The following HMSD variants were observed in gnomAD, a reference collection of about 807,000 sequenced individuals.
HMSD encodes the protein histocompatibility minor serpin domain containing.
Under a neutral mutation model 10.0 loss-of-function variants are expected in HMSD, and 13 were observed. The observed-to-expected ratio is 1.31, with a 90% CI of 0.85 to 2.08. HMSD has a LOEUF of 2.08. Ranked by LOEUF, HMSD falls within the 30% of genes most tolerant of loss-of-function variation. HMSD has a pLI of 0.00. For synonymous variants in HMSD, 51 were observed against 54.2 expected, an observed-to-expected ratio of 0.94 and a Z score of 0.26; for missense variants, 169 against 166.3, an observed-to-expected ratio of 1.02 and a Z score of -0.09.
In HMSD at chr18:63,960,542, C is replaced by A; in HGVS notation, c.*187C>A. 1.2e-6 allele frequency: 1 copy of A among 829,502 alleles called. No individual in the cohort carries two copies. Among genetic ancestry groups the A allele is most frequent in the Non-Finnish European group, 1.7e-6 (1 of 592,916 alleles). 51.4% of individuals were successfully genotyped at this position (829,502 alleles called of 1,614,324 possible). ...TAATATTAGGTAGTTTTTCTTTTCA[C>A]AAATAGCGTTAAAATTTGAATTTAA... On this transcript the variant is annotated 3_prime_UTR_variant, in exon 4 of 4. Coordinates refer to ENST00000408945, the MANE Select transcript of HMSD (RefSeq NM_001123366.2).
rs895534726 is a variant in HMSD at position 63,960,221 on chromosome 18, G to A, written c.286G>A (p.Asp96Asn). The change falls in exon 4 of 4, where the codon GAT (aspartate) becomes AAT (asparagine). Residue 96 changes from aspartate to asparagine, a missense_variant. Transcript: ENST00000408945. ...ATIKQLDFVN[D>N]TEKSTTRVNS... ...GATAAAACAGCTAGACTTTGTGAAT[G>A]ATACAGAGAAGTCCACAACACGTGT... 2 of 1,613,206 alleles carry A rather than the reference G, an allele frequency of 1.2e-6. No individual in the cohort carries two copies. The highest frequency in any genetic ancestry group is 2.7e-5 in the African/African-American group (2 of 74,900).
At position 63,960,415 on chromosome 18, in the gene HMSD, T is replaced by C; in HGVS notation, c.*60T>C. 1 of 1,513,160 alleles carries C rather than the reference T, an allele frequency of 6.6e-7. No homozygotes were observed. Among genetic ancestry groups the C allele is most frequent in the South Asian group, 1.3e-5 (1 of 78,092 alleles). The allele number at this position is 1,513,160 out of a possible 1,614,324, so 93.7% of individuals were successfully genotyped here. A position where few individuals can be genotyped will look rare whatever the true frequency, so the allele number is the denominator to read the frequency against. On this transcript the variant is annotated 3_prime_UTR_variant, in exon 4 of 4. Transcript: ENST00000408945. ...ACATTAAAACCTTTCTTTGGAAATA[T>C]TGCCAACTCGTAGACCTTTTCTCTA...
At chr18:63,963,046 T>TTTTC (rs148830154), downstream of HMSD, among the ~76,000 whole-genome samples, 71 of 125,508 alleles carry the variant, frequency 5.7e-4, 5 homozygotes, top group African/African-American at 2.3e-3. Flanking sequence ...TCAGATGTAG[T>TTTTC]TTTCTTTCTT....
chr18:63,963,099 T>TTTCTTTCTCTTTC (rs1568261316), downstream of HMSD, among the ~76,000 whole-genome samples: 11 of 132,492 alleles, frequency 8.3e-5, no homozygotes, highest in African/African-American at 3.4e-4. Flanking sequence ...CTTTCTTTCT[T>TTTCTTTCTCTTTC]TCTTTCTTTC....
At position 63,960,517 on chromosome 18, in the gene HMSD, T is replaced by C; in HGVS notation, c.*162T>C. 1 of 1,076,476 alleles carries C rather than the reference T, an allele frequency of 9.3e-7. No homozygotes were observed. Among genetic ancestry groups the C allele is most frequent in the Non-Finnish European group, 1.2e-6 (1 of 801,732 alleles). 66.7% of individuals were successfully genotyped at this position (1,076,476 alleles called of 1,614,324 possible). On this transcript the variant is annotated 3_prime_UTR_variant, in exon 4 of 4. Transcript: ENST00000408945. ...ATCTCTTCCAGGTTTTTTTGCTTGTTAATATTAGGTAGTTTTTCTTTTCAC... is the reference window on the plus strand; with the variant it reads ...ATCTCTTCCAGGTTTTTTTGCTTGTCAATATTAGGTAGTTTTTCTTTTCAC...
downstream of HMSD, among the ~76,000 whole-genome samples, chr18:63,963,785 A>G (rs558460569): frequency 1.3e-5 from 2 of 152,336 alleles, no homozygotes; most frequent in Non-Finnish European, 2.9e-5. Context: ...TCCTGTAACA[A>G]GAACTTGACT....
At chr18:63,957,311 A>C (rs905562939) in intron 3 of HMSD, among the ~76,000 whole-genome samples, 2 of 152,154 alleles carry the variant, frequency 1.3e-5, no homozygotes, top group East Asian at 1.9e-4. Context: ...AAGCAACAAA[A>C]AAAAAAAATA....
intron 3 of HMSD, among the ~76,000 whole-genome samples, chr18:63,967,276 GGCAC>G (rs1280232173): frequency 1.3e-5 from 2 of 152,164 alleles, no homozygotes; most frequent in African/African-American, 4.8e-5. Flanking sequence ...TGGGGTTACA[GGCAC>G]CTGCCACCAC....
chr18:63,967,656 T>C (rs2050416091), intron 3 of HMSD, among the ~76,000 whole-genome samples: 1 of 151,988 alleles, frequency 6.6e-6, no homozygotes, highest in Non-Finnish European at 1.5e-5. Context: ...CAAAACTAGG[T>C]CAAGGTTGAG....
chr18:63,967,612 G>A (rs1269525758), intron 3 of HMSD, among the ~76,000 whole-genome samples: 1 of 152,164 alleles, frequency 6.6e-6, no homozygotes, highest in Non-Finnish European at 1.5e-5. Flanking sequence ...TGCCCTTCCT[G>A]AGGTCCACAA....
rs1279914175 is a variant in HMSD at position 63,961,281 on chromosome 18, T to G, written c.*926T>G. 6.6e-6 allele frequency: 1 copy of G among 152,178 alleles called. No individual in the cohort carries two copies. Among genetic ancestry groups the G allele is most frequent in the Non-Finnish European group, 1.5e-5 (1 of 68,022 alleles). 9.4% of individuals were successfully genotyped at this position (152,178 alleles called of 1,614,324 possible). A position where few individuals can be genotyped will look rare whatever the true frequency, so the allele number is the denominator to read the frequency against. ...GAAAATGAATGATAATGGTTTTATC[T>G]GTTATAGAAATATAATATAATCAGA... On this transcript the variant is annotated 3_prime_UTR_variant, in exon 4 of 4. Transcript: ENST00000408945.
chr18:63,969,494 G>A (rs1003634296), intron 3 of HMSD: 1 of 152,116 alleles, frequency 6.6e-6, no homozygotes, highest in African/African-American at 2.4e-5. Context: ...AACTGCGGAG[G>A]GACACACCCA....
At position 63,960,475 on chromosome 18, in the gene HMSD, T is replaced by A. The variant is rs1288923395; in HGVS notation, c.*120T>A. ...TTTCCCTTATCAAGTATCTGTGATGTCTCTCTAGATGAAATAATCTCTTCC... is the reference window on the plus strand; with the variant it reads ...TTTCCCTTATCAAGTATCTGTGATGACTCTCTAGATGAAATAATCTCTTCC... On this transcript the variant is annotated 3_prime_UTR_variant, in exon 4 of 4. Transcript: ENST00000408945. The A allele has an allele frequency of 7.3e-7, 1 of 1,364,672 alleles. No homozygotes were observed. The highest frequency in any genetic ancestry group is 1.5e-5 in the African/African-American group (1 of 67,484). The allele number at this position is 1,364,672 out of a possible 1,614,324, so 84.5% of individuals were successfully genotyped here. A position where few individuals can be genotyped will look rare whatever the true frequency, so the allele number is the denominator to read the frequency against.
chr18:63,962,131 T>G (rs1029584587), downstream of HMSD, among the ~76,000 whole-genome samples: 1 of 152,240 alleles, frequency 6.6e-6, no homozygotes, highest in South Asian at 2.1e-4. Context: ...TTCTTTGCAT[T>G]GGACATTTTG....
chr18:63,950,824 T>C lies in HMSD; in HGVS notation c.-103+1424T>C, dbSNP rs561920949. ...TTAAAAAGCAGTATGACCTGAAAAGTAGCAGTGTCAGGTCAGTCAGAGCCC... is the reference window on the plus strand; with the variant it reads ...TTAAAAAGCAGTATGACCTGAAAAGCAGCAGTGTCAGGTCAGTCAGAGCCC... On this transcript the variant is annotated intron_variant, in intron 1 of 3. Transcript: ENST00000408945. Among the ~76,000 whole-genome samples, 67 of 152,254 alleles carry C rather than the reference T, an allele frequency of 4.4e-4. No individual in the cohort carries two copies. The South Asian group carries it at 0.013, about 30-fold the overall frequency.
At chr18:63,965,569 A>G (rs185701553), downstream of HMSD, among the ~76,000 whole-genome samples, 1 of 152,324 alleles carries the variant, frequency 6.6e-6, no homozygotes, top group East Asian at 1.9e-4. Context: ...TTGAAATACA[A>G]TACCAGGCAT....
chr18:63,964,678 G>T (rs2050402901), downstream of HMSD, among the ~76,000 whole-genome samples: 1 of 152,188 alleles, frequency 6.6e-6, no homozygotes, highest in Non-Finnish European at 1.5e-5. Flanking sequence ...GTTTGCAGAA[G>T]GCCACCTTTT....
rs367940545 is a variant in HMSD at position 63,954,569 on chromosome 18, T to A, written c.222+12T>A. ...ATGATTTCCTCACAGTAAGTCATAC[T>A]TGTTTATTAGGAAAATAAAGATAGC... is the stretch of plus-strand genomic sequence containing the variant. On this transcript the variant is annotated intron_variant, in intron 3 of 3. Coordinates refer to ENST00000408945, the MANE Select transcript of HMSD (RefSeq NM_001123366.2). 3.0e-5 allele frequency: 48 copies of A among 1,602,018 alleles called. No individual in the cohort carries two copies. The African/African-American group carries it at 5.9e-4, about 20-fold the overall frequency.
At chr18:63,963,109 C>A (rs2050395144), downstream of HMSD, among the ~76,000 whole-genome samples, 5 of 132,906 alleles carry the variant, frequency 3.8e-5, no homozygotes, top group South Asian at 1.1e-3. Flanking sequence ...TTCTTTCTTT[C>A]TTTCTTTCTT....
Sources: gnomAD v4.1 joint callset for allele counts (sites outside exome capture counted in the v4.1 genomes callset) on GRCh38, gnomAD v4.1.1 for gene constraint, MANE v1.5 for transcripts, NCBI Gene and HGNC (gene_info 2026-07-23, HGNC 2026-07-21) for gene names.